The following RERE variants were observed in gnomAD, a reference collection of about 807,000 sequenced individuals.
RERE encodes arginine-glutamic acid dipeptide repeats.
RERE carries 40 observed loss-of-function variants against 146.1 expected under a neutral mutation model. The ratio of observed to expected loss-of-function variants is 0.27; its 90% CI spans 0.21 to 0.36. The LOEUF (loss-of-function observed/expected upper bound fraction) is 0.36. RERE is among the 10% of genes least tolerant of loss of function. The probability of loss-of-function intolerance (pLI) is 1.00; values close to 1 mark genes in which losing one functional copy is unlikely to be tolerated. For missense variants in RERE, 1,933 were observed against 2,138.7 expected, an observed-to-expected ratio of 0.90 and a Z score of 1.90; for synonymous variants, 1,003 against 866.0, an observed-to-expected ratio of 1.16 and a Z score of -2.78.
At chr1:8,687,596 GGTCA>G (rs1177421876) in intron 1 of RERE, among the ~76,000 whole-genome samples, 1 of 152,192 alleles carries the variant, frequency 6.6e-6, no homozygotes, top group Non-Finnish European at 1.5e-5. Flanking sequence ...TGCTGAAAAT[GGTCA>G]GTGTCTAACA....
intron 3 of RERE, among the ~76,000 whole-genome samples, chr1:8,618,721 G>A (rs1570522015): frequency 2.0e-5 from 3 of 152,242 alleles, no homozygotes; most frequent in East Asian, 1.9e-4. Context: ...TAATTAAGTC[G>A]CTACCTGATG....
intron 12 of RERE, among the ~76,000 whole-genome samples, chr1:8,407,083 T>C (rs969936255): frequency 3.3e-5 from 5 of 152,228 alleles, no homozygotes; most frequent in Admixed American, 6.5e-5. Flanking sequence ...CTGCAGTGTT[T>C]GGGGCAGGCA....
In RERE at chr1:8,525,771, A is replaced by C. The variant is rs767482304; in HGVS notation, c.830+15443T>G. The C allele has an allele frequency of 1.9e-5, 30 of 1,600,650 alleles. No homozygotes were observed. The African/African-American group carries it at 3.8e-4, about 20-fold the overall frequency. Reference sequence around the variant, plus strand: ...GAAGATAGCCTACCTGCAGGGGCTGAATGGATCATCCATGACTAACACGGG... The same window carrying C: ...GAAGATAGCCTACCTGCAGGGGCTGCATGGATCATCCATGACTAACACGGG... On this transcript the variant is annotated intron_variant, in intron 7 of 22. Transcript: ENST00000400908.
intron 1 of RERE, among the ~76,000 whole-genome samples, chr1:8,800,737 G>A (rs146371991): frequency 0.012 from 1,885 of 152,022 alleles, 43 homozygotes; most frequent in African/African-American, 0.043. Flanking sequence ...AGGCCGAGGC[G>A]TGTGATCACT....
At chr1:8,800,242 G>C (rs1261374979) in intron 1 of RERE, among the ~76,000 whole-genome samples, 1 of 139,684 alleles carries the variant, frequency 7.2e-6, no homozygotes, top group Non-Finnish European at 1.5e-5. Flanking sequence ...ATGGGCTACA[G>C]AGTGAGACTC....
At chr1:8,713,747 G>A (rs948864123) in intron 1 of RERE, among the ~76,000 whole-genome samples, 1 of 151,930 alleles carries the variant, frequency 6.6e-6, no homozygotes, top group African/African-American at 2.4e-5. Context: ...AAATAATGAT[G>A]ATGATAATAA....
intron 4 of RERE, among the ~76,000 whole-genome samples, chr1:8,605,855 T>TTTTC (rs1646702142): frequency 7.0e-6 from 1 of 142,590 alleles, no homozygotes; most frequent in Non-Finnish European, 1.5e-5. Context: ...CTTTTTTTTT[T>TTTTC]TTTTTTTGAG....
intron 11 of RERE, among the ~76,000 whole-genome samples, chr1:8,432,045 C>T (rs939224923): frequency 3.9e-5 from 6 of 152,202 alleles, no homozygotes; most frequent in African/African-American, 1.4e-4. Context: ...GCACTGGTCT[C>T]CTCCCTGGCC....
In RERE at chr1:8,724,517, A is replaced by T. The variant is rs1451357838; in HGVS notation, c.-144-68076T>A. Reference sequence around the variant, plus strand: ...AAATCCTTTGTAAACTCAAAGATTTAGTTACTTTCTCTACATATTACACAG... The same window carrying T: ...AAATCCTTTGTAAACTCAAAGATTTTGTTACTTTCTCTACATATTACACAG... On this transcript the variant is annotated intron_variant, in intron 1 of 22. Coordinates refer to ENST00000400908, the MANE Select transcript of RERE (RefSeq NM_001042681.2). Among the ~76,000 whole-genome samples, 3 of 152,338 alleles carry T rather than the reference A, an allele frequency of 2.0e-5. No homozygotes were observed. The East Asian group carries it at 5.8e-4, about 29-fold the overall frequency.
intron 1 of RERE, among the ~76,000 whole-genome samples, chr1:8,746,316 T>A (rs1640419592): frequency 6.6e-6 from 1 of 152,146 alleles, no homozygotes; most frequent in Non-Finnish European, 1.5e-5. Flanking sequence ...CCACTTCATA[T>A]GGGGACCTAA....
intron 12 of RERE, among the ~76,000 whole-genome samples, chr1:8,404,437 A>C (rs900027505): frequency 5.3e-5 from 8 of 150,840 alleles, no homozygotes; most frequent in African/African-American, 1.5e-4. Flanking sequence ...ACAAACAAAC[A>C]AAAAAAAGAG....
intron 7 of RERE, among the ~76,000 whole-genome samples, chr1:8,539,412 T>C (rs202104198): frequency 6.9e-6 from 1 of 145,486 alleles, no homozygotes; most frequent in African/African-American, 2.6e-5. Flanking sequence ...CTTTTTTTTT[T>C]CTTTTTTTCT....
intron 12 of RERE, among the ~76,000 whole-genome samples, chr1:8,368,926 A>T (rs1641922566): frequency 6.6e-6 from 1 of 151,962 alleles, no homozygotes; most frequent in Non-Finnish European, 1.5e-5. Flanking sequence ...TTATCTGGGC[A>T]TGGTGGTGTG....
intron 10 of RERE, among the ~76,000 whole-genome samples, chr1:8,488,534 C>T (rs1050243910): frequency 1.4e-4 from 21 of 152,194 alleles, no homozygotes; most frequent in African/African-American, 4.6e-4. Context: ...GTGTGAGCCA[C>T]TGCGCCTGCA....
intron 4 of RERE, among the ~76,000 whole-genome samples, chr1:8,582,411 TTTTC>T (rs1200613966): frequency 6.6e-6 from 1 of 151,606 alleles, no homozygotes; most frequent in Non-Finnish European, 1.5e-5. Context: ...TAAAAACTTT[TTTTC>T]TTTTTTTTTT....
At chr1:8,593,050 T>C (rs1028227124) in intron 4 of RERE, among the ~76,000 whole-genome samples, 1 of 152,170 alleles carries the variant, frequency 6.6e-6, no homozygotes, top group Admixed American at 6.5e-5. Context: ...CTGGGCTGTT[T>C]GTGGATCTCA....
chr1:8,721,669 G>A (rs1400816091), intron 1 of RERE, among the ~76,000 whole-genome samples: 1 of 152,108 alleles, frequency 6.6e-6, no homozygotes, highest in Non-Finnish European at 1.5e-5. Flanking sequence ...AGGACCAATG[G>A]GATTTGGTGA....
At chr1:8,578,399 T>TAATAATCAA in intron 4 of RERE, among the ~76,000 whole-genome samples, 1 of 152,166 alleles carries the variant, frequency 6.6e-6, no homozygotes, top group African/African-American at 2.4e-5. Context: ...ATCAAACAGT[T>TAATAATCAA]ACCTAACAAC....
At chr1:8,545,301 C>T (rs1645844692) in intron 6 of RERE, among the ~76,000 whole-genome samples, 1 of 152,196 alleles carries the variant, frequency 6.6e-6, no homozygotes, top group African/African-American at 2.4e-5. Flanking sequence ...CCGGAAATGA[C>T]TCATTTCAGT....
Sources: gnomAD v4.1 joint callset for allele counts (sites outside exome capture counted in the v4.1 genomes callset) on GRCh38, gnomAD v4.1.1 for gene constraint, MANE v1.5 for transcripts, NCBI Gene and HGNC (gene_info 2026-07-23, HGNC 2026-07-21) for gene names.